TRIM58: variants seen among roughly 807,000 people sequenced by gnomAD.
The protein encoded by TRIM58 is tripartite motif containing 58, also known as E3 ubiquitin-protein ligase TRIM58.
In TRIM58, 38 loss-of-function variants were observed where a neutral mutation model predicts 34.1. That is an observed-to-expected ratio of 1.12 (90% CI 0.86 to 1.46). The LOEUF is 1.46. Ranked by LOEUF, TRIM58 falls within the 40% of genes most tolerant of loss-of-function variation. TRIM58 has a pLI of 0.00. For missense variants in TRIM58, 677 were observed against 642.0 expected, an observed-to-expected ratio of 1.05 and a Z score of -0.59; for synonymous variants, 273 against 275.7, an observed-to-expected ratio of 0.99 and a Z score of 0.10.
intron 5 of TRIM58, among the ~76,000 whole-genome samples, chr1:247,875,693 G>A (rs1659267234): frequency 6.6e-6 from 1 of 152,134 alleles, no homozygotes; most frequent in African/African-American, 2.4e-5. Flanking sequence ...AGAGGTAACA[G>A]TGGAATATAC....
At chr1:247,862,320 T>C (rs1456955967) in intron 2 of TRIM58, among the ~76,000 whole-genome samples, 1 of 152,180 alleles carries the variant, frequency 6.6e-6, no homozygotes, top group African/African-American at 2.4e-5. Context: ...ATCAATATTA[T>C]TAACAAATAT....
chr1:247,879,915 T>G lies in TRIM58; in HGVS notation c.*3426T>G, dbSNP rs1165611385. Among the ~76,000 whole-genome samples the G allele has an allele frequency of 6.6e-6, 1 of 151,976 alleles. No homozygotes were observed. Among genetic ancestry groups the G allele is most frequent in the African/African-American group, 2.4e-5 (1 of 41,384 alleles). On this transcript the variant is annotated 3_prime_UTR_variant, in exon 6 of 6. Transcript: ENST00000366481. ...GCCAGGCTCAGTGGAGGCTCTTTGT[T>G]CCCCATACAGTACGTGTCGTCGTAC...
intron 2 of TRIM58, among the ~76,000 whole-genome samples, chr1:247,862,353 T>G (rs1663812471): frequency 6.6e-6 from 1 of 152,156 alleles, no homozygotes; most frequent in Non-Finnish European, 1.5e-5. Flanking sequence ...AGTGACAGTA[T>G]AAGATGCAAT....
intron 3 of TRIM58, among the ~76,000 whole-genome samples, chr1:247,866,944 A>G (rs1663943164): frequency 6.6e-6 from 1 of 152,154 alleles, no homozygotes; most frequent in Non-Finnish European, 1.5e-5. Flanking sequence ...CCCTGCTTTT[A>G]TGTCATTAAA....
chr1:247,861,818 T>A (rs1166768659), intron 2 of TRIM58, among the ~76,000 whole-genome samples: 1 of 152,040 alleles, frequency 6.6e-6, no homozygotes, highest in Non-Finnish European at 1.5e-5. Flanking sequence ...ATAACACTTA[T>A]CCCAGAAGAA....
rs1328122328 is a variant in TRIM58 at position 247,857,293 on chromosome 1, G to T, written c.47G>T (p.Cys16Phe). The part of the protein sequence containing the change: ...PGERLREDAR[C>F]PVCLDFLQEP... Reference sequence around the variant, plus strand: ...GAGCGGCTGCGCGAGGATGCGCGGTGCCCGGTGTGCCTGGATTTCCTGCAG... The same window carrying T: ...GAGCGGCTGCGCGAGGATGCGCGGTTCCCGGTGTGCCTGGATTTCCTGCAG... The change falls in exon 1 of 6, where the codon TGC becomes TTC. Residue 16 changes from cysteine (C) to phenylalanine (F), a missense_variant. Transcript: ENST00000366481. The T allele has an allele frequency of 7.1e-7, 1 of 1,400,740 alleles. No homozygotes were observed. The highest frequency in any genetic ancestry group is 1.7e-5 in the South Asian group (1 of 60,168). The allele number at this position is 1,400,740 out of a possible 1,614,324, so 86.8% of individuals were successfully genotyped here. A position where few individuals can be genotyped will look rare whatever the true frequency, so the allele number is the denominator to read the frequency against.
intron 5 of TRIM58, among the ~76,000 whole-genome samples, chr1:247,873,331 G>T (rs549721620): frequency 6.6e-6 from 1 of 152,150 alleles, no homozygotes; most frequent in Non-Finnish European, 1.5e-5. Flanking sequence ...TCATGATGAA[G>T]AATTGAGTTT....
chr1:247,873,648 C>T (rs7537960), intron 5 of TRIM58, among the ~76,000 whole-genome samples: 150,228 of 152,324 alleles, frequency 0.99, 74,111 homozygotes, highest in East Asian at 1. Flanking sequence ...TGCGCAGTTA[C>T]GTGACCACTC....
chr1:247,872,641 A>G (rs992098309), intron 5 of TRIM58, among the ~76,000 whole-genome samples: 1 of 152,244 alleles, frequency 6.6e-6, no homozygotes, highest in Non-Finnish European at 1.5e-5. Context: ...GGTAAAGTTC[A>G]AAGCTAAGCA....
intron 1 of TRIM58, 73 bp downstream of exon 1, chr1:247,857,739 GCCGAGGCCA>G: frequency 8.3e-7 from 1 of 1,198,922 alleles, no homozygotes; most frequent in Non-Finnish European, 1.0e-6. Context: ...GAGCGGAGCC[GCCGAGGCCA>G]CCCGTCTCCT....
rs116180017 is a variant in TRIM58, at chr1:247,857,999, C to T, written c.420+333C>T. Among the ~76,000 whole-genome samples, 1,439 of 152,316 alleles carry T rather than the reference C, an allele frequency of 9.4e-3. 17 individuals are homozygous for T. The highest frequency in any genetic ancestry group is 0.031 in the African/African-American group (1,291 of 41,578). On this transcript the variant is annotated intron_variant, in intron 1 of 5. Transcript: ENST00000366481. Reference sequence around the variant, plus strand: ...CTCTGGTCGGGAGGGCTGTGTGGTCCAGTTCATTCTTGGTAACAATTGTAC... The same window carrying T: ...CTCTGGTCGGGAGGGCTGTGTGGTCTAGTTCATTCTTGGTAACAATTGTAC...
rs6661947 is a variant in TRIM58, at chr1:247,864,860, G to A, written c.672G>A (p.Gln224=). The A allele has an allele frequency of 3.8e-3, 6,061 of 1,611,636 alleles. 205 individuals are homozygous for A. In the African/African-American group the frequency reaches 0.072, roughly 19 times the overall value. The part of the protein sequence containing the change: ...RLRESKSRLV[Q]QSKALKELAD... ...GGGAGAGCAAGAGCCGGCTGGTCCA[G>A]CAGAGCAAGGCCCTGAAGGAGCTGG... Residue 224 remains glutamine, a synonymous_variant, in exon 3 of 6, where the codon CAG becomes CAA. Coordinates refer to ENST00000366481, the MANE Select transcript of TRIM58 (RefSeq NM_015431.4).
Position 247,878,440 on chromosome 1 carries a change from G to T in TRIM58, c.*1951G>T, listed in dbSNP as rs1659339175. Among the ~76,000 whole-genome samples, 2 of 151,960 alleles carry T rather than the reference G, an allele frequency of 1.3e-5. No individual in the cohort carries two copies. The highest frequency in any genetic ancestry group is 4.8e-5 in the African/African-American group (2 of 41,364). On this transcript the variant is annotated 3_prime_UTR_variant, in exon 6 of 6. Transcript: ENST00000366481. ...AGCCTTCTTCCTAGATTTTTTAATT[G>T]TTTGATCATGAGCGAACACTTCTAC...
intron 5 of TRIM58, among the ~76,000 whole-genome samples, chr1:247,875,177 A>T (rs1659252966): frequency 6.6e-6 from 1 of 152,202 alleles, no homozygotes; most frequent in African/African-American, 2.4e-5. Context: ...ATAGTGTAAC[A>T]TACTCATGAG....
At position 247,864,982 on chromosome 1, in the gene TRIM58, C is replaced by CA. The variant is rs376755717; in HGVS notation, c.747+48dup. The CA allele has an allele frequency of 4.1e-3, 6,120 of 1,487,940 alleles. 184 individuals are homozygous for CA. In the African/African-American group the frequency reaches 0.072, roughly 17 times the overall value. 92.2% of individuals were successfully genotyped at this position (1,487,940 alleles called of 1,614,324 possible). A position where few individuals can be genotyped will look rare whatever the true frequency, so the allele number is the denominator to read the frequency against. On this transcript the variant is annotated intron_variant, in intron 3 of 5. Coordinates refer to ENST00000366481, the MANE Select transcript of TRIM58 (RefSeq NM_015431.4). The stretch of plus-strand genomic sequence containing the variant: ...GCAGGCAGATGTGAGACTCAGGTGA[C>CA]AGAGACTAGTACAATGGCTTTCAGA...
chr1:247,865,473 G>T, intron 3 of TRIM58, among the ~76,000 whole-genome samples: 1 of 152,180 alleles, frequency 6.6e-6, no homozygotes, highest in African/African-American at 2.4e-5. Flanking sequence ...ATACATTTCA[G>T]TGTCACTGGC....
Position 247,879,775 on chromosome 1 carries a change from C to T in TRIM58, c.*3286C>T, listed in dbSNP as rs576691446. On this transcript the variant is annotated 3_prime_UTR_variant, in exon 6 of 6. Coordinates refer to ENST00000366481, the MANE Select transcript of TRIM58 (RefSeq NM_015431.4). ...GACATTCCCTTTTCCCTGATATCCC[C>T]TTGACTCATTATTCCCTTTCTTCCT... 2.6e-5 allele frequency among the ~76,000 whole-genome samples: 4 copies of T among 151,418 alleles called. No homozygotes were observed. Among genetic ancestry groups the T allele is most frequent in the Non-Finnish European group, 4.4e-5 (3 of 67,934 alleles).
Position 247,875,890 on chromosome 1 carries a change from C to A in TRIM58, c.872-10C>A, listed in dbSNP as rs1462171229. 1 of 1,600,812 alleles carries A rather than the reference C, an allele frequency of 6.2e-7. No individual in the cohort carries two copies. The highest frequency in any genetic ancestry group is 1.3e-5 in the African/African-American group (1 of 74,834). ...TTCCTTTCACCTGGTCCACCACATTCTTTCCGCAGTGGATGTAAAGCTGGA... is the reference window on the plus strand; with the variant it reads ...TTCCTTTCACCTGGTCCACCACATTATTTCCGCAGTGGATGTAAAGCTGGA... On this transcript the variant is annotated splice_polypyrimidine_tract_variant and intron_variant, in intron 5 of 5. Coordinates refer to ENST00000366481, the MANE Select transcript of TRIM58 (RefSeq NM_015431.4).
intron 5 of TRIM58, among the ~76,000 whole-genome samples, chr1:247,869,218 G>T (rs1172522724): frequency 1.3e-5 from 2 of 152,154 alleles, no homozygotes; most frequent in Non-Finnish European, 2.9e-5. Context: ...CAGTTATTTT[G>T]GGTTTTTATG....
Sources: allele counts gnomAD v4.1 joint callset (sites outside exome capture counted in the v4.1 genomes callset), GRCh38; gene constraint gnomAD v4.1.1; transcripts MANE v1.5; gene names NCBI Gene and HGNC (gene_info 2026-07-23, HGNC 2026-07-21).